NOMO2: variants seen among roughly 807,000 people sequenced by gnomAD.
NOMO2 encodes NODAL modulator 2.
Under a neutral mutation model 67.1 loss-of-function variants are expected in NOMO2, and 14 were observed. The observed-to-expected ratio is 0.21, with a 90% CI of 0.14 to 0.33. The LOEUF is 0.33. Among genes scored for constraint, NOMO2 ranks in the 10% least tolerant of loss-of-function variants. NOMO2 has a pLI of 1.00. For synonymous variants in NOMO2, 80 were observed against 305.9 expected (o/e 0.26, Z 7.71); for missense variants, 178 against 761.0 (o/e 0.23, Z 9.01).
At chr16:18,535,700 AC>A (rs1168872134) in intron 11 of NOMO2, among the ~76,000 whole-genome samples, 1 of 151,964 alleles carries the variant, frequency 6.6e-6, no homozygotes, top group East Asian at 1.9e-4. Context: ...CTCCATTCAC[AC>A]CATGGCTTTC....
intron 6 of NOMO2, among the ~76,000 whole-genome samples, chr16:18,545,121 A>T (rs1306332853): frequency 6.5e-5 from 9 of 139,492 alleles, no homozygotes; most frequent in African/African-American, 2.1e-4. Flanking sequence ...TTTGAGATGG[A>T]GTCTCACTCT....
Position 18,562,034 on chromosome 16 carries a change from C to G in NOMO2, c.7G>C (p.Val3Leu). The G allele has an allele frequency of 2.0e-6, 3 of 1,507,136 alleles. No individual in the cohort carries two copies. In the Admixed American group the frequency reaches 6.8e-5, roughly 34 times the overall value. The allele number at this position is 1,507,136 out of a possible 1,614,324, so 93.4% of individuals were successfully genotyped here. A position where few individuals can be genotyped will look rare whatever the true frequency, so the allele number is the denominator to read the frequency against. The change falls in exon 1 of 31, where the codon GTG becomes CTG. Residue 3 changes from valine to leucine, a missense_variant. Physicochemically the swap from Val to Leu is conservative, Grantham distance 32. Transcript: ENST00000622306. ML[V>L]GQGAGLLGPA... is the part of the protein sequence containing the mutation. The stretch of plus-strand genomic sequence containing the variant: ...CCCAGCAGCCCCGCGCCCTGGCCCA[C>G]CAGCATGGCCCGACCTCCCCCAGCT...
At chr16:18,536,098 C>T (rs28528816) in intron 11 of NOMO2, among the ~76,000 whole-genome samples, 118 of 152,194 alleles carry the variant, frequency 7.8e-4, no homozygotes, top group African/African-American at 2.8e-3. Context: ...GCCCGGCCAA[C>T]CAACAGACAA....
chr16:18,527,036 G>A (rs1324670159), intron 16 of NOMO2, among the ~76,000 whole-genome samples: 1 of 144,170 alleles, frequency 6.9e-6, no homozygotes, highest in East Asian at 2.0e-4. Flanking sequence ...GGACAATGTG[G>A]TGAAACCCAT....
At chr16:18,545,328 C>A (rs865864997) in intron 6 of NOMO2, among the ~76,000 whole-genome samples, 10 of 150,996 alleles carry the variant, frequency 6.6e-5, no homozygotes, top group African/African-American at 2.4e-4. Flanking sequence ...GAACTCCTGA[C>A]CTCAAGTGAT....
intron 1 of NOMO2, chr16:18,558,969 C>T: frequency 2.3e-6 from 1 of 426,874 alleles, no homozygotes. Context: ...CCCAGGAGAC[C>T]AGCCTGGACA....
intron 3 of NOMO2, among the ~76,000 whole-genome samples, chr16:18,551,843 T>C (rs1316262191): frequency 1.3e-5 from 2 of 151,906 alleles, no homozygotes; most frequent in African/African-American, 4.8e-5. Flanking sequence ...CCAGGGAAAA[T>C]TCAGTGAGCA....
intron 4 of NOMO2, among the ~76,000 whole-genome samples, chr16:18,550,200 TAAAAATAA>T (rs1901749609): frequency 5.0e-5 from 2 of 39,672 alleles, no homozygotes; most frequent in African/African-American, 1.8e-4. Flanking sequence ...TAAATGTACA[TAAAAATAA>T]AAATATAAAA....
intron 11 of NOMO2, among the ~76,000 whole-genome samples, chr16:18,537,271 G>A (rs1224307841): frequency 3.3e-5 from 5 of 151,302 alleles, no homozygotes; most frequent in African/African-American, 1.2e-4. Context: ...TCTCAAGCTG[G>A]GCACCCTAAA....
At chr16:18,559,609 T>G (rs1301044045) in intron 1 of NOMO2, among the ~76,000 whole-genome samples, 1 of 152,026 alleles carries the variant, frequency 6.6e-6, no homozygotes, top group Non-Finnish European at 1.5e-5. Context: ...GTGTCTTGCT[T>G]ACTCTAGGTA....
intron 15 of NOMO2, among the ~76,000 whole-genome samples, chr16:18,528,424 G>C (rs934627388): frequency 6.6e-6 from 1 of 151,906 alleles, no homozygotes; most frequent in Admixed American, 6.6e-5. Context: ...AAGCAGTTAG[G>C]GGAGTAAGTT....
intron 2 of NOMO2, among the ~76,000 whole-genome samples, chr16:18,556,329 C>T (rs1901902442): frequency 6.6e-6 from 1 of 151,770 alleles, no homozygotes; most frequent in Admixed American, 6.6e-5. Context: ...TGGTGGGTGC[C>T]TGTAATCCCA....
At position 18,538,692 on chromosome 16, in the gene NOMO2, A is replaced by T. The variant is rs1350999705; in HGVS notation, c.1070-16T>A. On this transcript the variant is annotated splice_polypyrimidine_tract_variant and intron_variant, in intron 10 of 30. Transcript: ENST00000622306. ...TTTGTTTTAACTGTAAAACAAAAAC[A>T]CACAAACAGAAGATAAGCCAAAAAT... 6.2e-7 allele frequency: 1 copy of T among 1,613,702 alleles called. No homozygotes were observed. Among genetic ancestry groups the T allele is most frequent in the East Asian group, 2.2e-5 (1 of 44,862 alleles).
chr16:18,552,469 G>GCACACACA (rs201636709), intron 3 of NOMO2, among the ~76,000 whole-genome samples: 3 of 97,638 alleles, frequency 3.1e-5, no homozygotes, highest in Non-Finnish European at 6.5e-5. Flanking sequence ...ACGCGTACAT[G>GCACACACA]CACACACACA....
intron 3 of NOMO2, among the ~76,000 whole-genome samples, chr16:18,554,131 A>G (rs1342269251): frequency 1.3e-5 from 2 of 151,968 alleles, no homozygotes; most frequent in African/African-American, 4.8e-5. Context: ...AGTTAGTTCT[A>G]TGAGGAAAGT....
At chr16:18,554,132 T>C (rs1399196602) in intron 3 of NOMO2, among the ~76,000 whole-genome samples, 2 of 152,018 alleles carry the variant, frequency 1.3e-5, no homozygotes, top group African/African-American at 4.8e-5. Flanking sequence ...GTTAGTTCTA[T>C]GAGGAAAGTT....
intron 16 of NOMO2, among the ~76,000 whole-genome samples, chr16:18,526,610 C>A (rs908302511): frequency 1.1e-4 from 17 of 151,390 alleles, no homozygotes; most frequent in Non-Finnish European, 1.8e-4. Flanking sequence ...TGATATGTGC[C>A]ATGACACAGA....
At chr16:18,548,630 A>G (rs544423765) in intron 5 of NOMO2, among the ~76,000 whole-genome samples, 1 of 152,246 alleles carries the variant, frequency 6.6e-6, no homozygotes, top group East Asian at 1.9e-4. Context: ...CCAACTACAA[A>G]GCAGTTTTGA....
chr16:18,550,505 C>T (rs1212510672), intron 4 of NOMO2, among the ~76,000 whole-genome samples: 3 of 151,628 alleles, frequency 2.0e-5, no homozygotes, highest in Non-Finnish European at 2.9e-5. Context: ...AGGGCCTCCC[C>T]GTCACCGCAA....
Sources: allele counts gnomAD v4.1 joint callset (sites outside exome capture counted in the v4.1 genomes callset), GRCh38; gene constraint gnomAD v4.1.1; transcripts MANE v1.5; gene names NCBI Gene and HGNC (gene_info 2026-07-23, HGNC 2026-07-21).